Variants in UBR4 observed in about 807,000 individuals in gnomAD.
UBR4 encodes the protein ubiquitin protein ligase E3 component n-recognin 4.
A neutral mutation model predicts 575.6 loss-of-function variants in UBR4; 124 were observed. The ratio of observed to expected loss-of-function variants is 0.22; its 90% CI spans 0.19 to 0.25. The LOEUF (loss-of-function observed/expected upper bound fraction) is 0.25, where lower values mean the gene tolerates loss of function less well. Ranked by LOEUF, UBR4 falls within the 10% of genes least tolerant of loss-of-function variation. The pLI is 1.00. For missense variants in UBR4, 4,818 were observed against 6,478.8 expected, an observed-to-expected ratio of 0.74 and a Z score of 8.80; for synonymous variants, 2,455 against 2,473.7, an observed-to-expected ratio of 0.99 and a Z score of 0.22.
Position 19,169,424 on chromosome 1 carries a change from T to G in UBR4, c.3741+11A>C. 1 of 1,609,796 alleles carries G rather than the reference T, an allele frequency of 6.2e-7. No homozygotes were observed. The highest frequency in any genetic ancestry group is 8.5e-7 in the Non-Finnish European group (1 of 1,177,384). On this transcript the variant is annotated intron_variant, in intron 27 of 105. Coordinates refer to ENST00000375254, the MANE Select transcript of UBR4 (RefSeq NM_020765.3). ...CTCAGTATTTCTACCCTGGAACAGATAGGGACTCACCCAGGATCCAATATT... is the reference window on the plus strand; with the variant it reads ...CTCAGTATTTCTACCCTGGAACAGAGAGGGACTCACCCAGGATCCAATATT...
Position 19,074,719 on chromosome 1 carries a change from G to T in UBR4, c.*113C>A. 1 of 1,209,934 alleles carries T rather than the reference G, an allele frequency of 8.3e-7. No individual in the cohort carries two copies. Among genetic ancestry groups the T allele is most frequent in the South Asian group, 1.3e-5 (1 of 76,766 alleles). The allele number at this position is 1,209,934 out of a possible 1,614,324, so 74.9% of individuals were successfully genotyped here. A position where few individuals can be genotyped will look rare whatever the true frequency, so the allele number is the denominator to read the frequency against. ...ACACCAAGAAAAATGAGAGAGGGGA[G>T]GGCGGGGTAACAATGCAGCATCCCG... On this transcript the variant is annotated 3_prime_UTR_variant, in exon 106 of 106. Transcript: ENST00000375254.
chr1:19,146,730 GCAGT>G (rs1201017899), intron 52 of UBR4, 92 bp downstream of exon 52: 1 of 1,459,228 alleles, frequency 6.9e-7, no homozygotes, highest in South Asian at 1.4e-5. Flanking sequence ...CTCTGAGCAT[GCAGT>G]CAGTCAGAGG....
intron 101 of UBR4, 85 bp downstream of exon 101, chr1:19,086,060 C>T (rs2076980908): frequency 1.3e-6 from 2 of 1,527,220 alleles, no homozygotes; most frequent in Admixed American, 3.9e-5. Context: ...GAAATGGTGT[C>T]ACCAGGGGAT....
intron 22 of UBR4, 37 bp downstream of exon 22, chr1:19,174,282 C>T (rs2089984274): frequency 1.3e-6 from 2 of 1,575,148 alleles, no homozygotes; most frequent in Non-Finnish European, 1.7e-6. Flanking sequence ...AATGATCAAA[C>T]ACAACCCAAA....
chr1:19,113,046 G>T, intron 77 of UBR4, 179 bp from the exon 78 acceptor site: 1 of 666,958 alleles, frequency 1.5e-6, no homozygotes, highest in Non-Finnish European at 2.4e-6. Flanking sequence ...ACTGAAGCTT[G>T]GAGAAAGTGG....
intron 57 of UBR4, 56 bp downstream of exon 57, chr1:19,141,291 C>T (rs886548665): frequency 1.4e-5 from 23 of 1,611,776 alleles, no homozygotes; most frequent in Non-Finnish European, 1.9e-5. Context: ...AACTGCCAAA[C>T]CCTCTTTTCC....
chr1:19,076,622 C>G, intron 105 of UBR4, 118 bp downstream of exon 105: 1 of 1,369,208 alleles, frequency 7.3e-7, no homozygotes, highest in African/African-American at 1.4e-5. Context: ...TGGCAGCTGA[C>G]AGGCTGGTTC....
chr1:19,124,767 T>C, intron 64 of UBR4, 77 bp from the exon 65 acceptor site: 1 of 1,551,932 alleles, frequency 6.4e-7, no homozygotes, highest in Non-Finnish European at 8.7e-7. Context: ...GCCTGGCTCA[T>C]TAGACGTATT....
intron 60 of UBR4, among the ~76,000 whole-genome samples, chr1:19,130,670 G>A (rs1430706901): frequency 1.3e-5 from 2 of 152,208 alleles, no homozygotes; most frequent in East Asian, 1.9e-4. Flanking sequence ...GACTACAAAC[G>A]TTTAAGAATT....
intron 103 of UBR4, chr1:19,079,380 TA>T (rs1338619283): frequency 6.6e-6 from 1 of 152,212 alleles, no homozygotes; most frequent in Non-Finnish European, 1.5e-5. Flanking sequence ...TGCTGCAGCC[TA>T]AAGTCCTGGA....
intron 30 of UBR4, 79 bp from the exon 31 acceptor site, chr1:19,165,428 A>T (rs1203144607): frequency 7.7e-7 from 1 of 1,293,486 alleles, no homozygotes; most frequent in African/African-American, 1.5e-5. Context: ...TCACAATCTC[A>T]TCTCCTCTGG....
intron 5 of UBR4, 73 bp from the exon 6 acceptor site, chr1:19,198,122 G>T: frequency 7.0e-7 from 1 of 1,422,642 alleles, no homozygotes; most frequent in Non-Finnish European, 9.8e-7. Context: ...GTGAGCAGTA[G>T]CTGCACGGAT....
intron 101 of UBR4, among the ~76,000 whole-genome samples, chr1:19,085,478 C>T (rs368044923): frequency 1.2e-4 from 18 of 152,196 alleles, no homozygotes; most frequent in Non-Finnish European, 1.8e-4. Flanking sequence ...GCCAAGATCA[C>T]GCCACTGCAC....
intron 74 of UBR4, 97 bp from the exon 75 acceptor site, chr1:19,115,046 GTAAC>G (rs1317117572): frequency 3.3e-6 from 5 of 1,525,804 alleles, no homozygotes; most frequent in Non-Finnish European, 4.5e-6. Flanking sequence ...ATATACTCTG[GTAAC>G]TACTGCAGGG....
Position 19,148,480 on chromosome 1 carries a change from T to A in UBR4, c.7494+83A>T, listed in dbSNP as rs1352550468. ...TATGCTACTATAAATGTTCTTTAGC[T>A]TCGAGGCCTCAGGGCCTCGGGCAAC... On this transcript the variant is annotated intron_variant, in intron 50 of 105. Transcript: ENST00000375254. The A allele has an allele frequency of 1.2e-5, 18 of 1,495,032 alleles. No individual in the cohort carries two copies. In the Admixed American group the frequency reaches 3.1e-4, roughly 26 times the overall value. The allele number at this position is 1,495,032 out of a possible 1,614,324, so 92.6% of individuals were successfully genotyped here.
chr1:19,202,095 A>T (rs922544045), intron 1 of UBR4, among the ~76,000 whole-genome samples: 7 of 152,106 alleles, frequency 4.6e-5, no homozygotes, highest in African/African-American at 1.7e-4. Flanking sequence ...CAGGAGGCTG[A>T]GGCAGGAGAA....
In UBR4 at chr1:19,126,484, G is replaced by C. The variant is rs1270900037; in HGVS notation, c.9400C>G (p.Pro3134Ala). The part of the protein sequence containing the change: ...LLKPHTTSSP[P>A]DMSPFFLRQY... ...CGGAGAAAGAATGGGCTCATGTCAG[G>C]TGGGGAGGAGGTAGTATGTGGTTTC... Residue 3134 changes from proline to alanine, a missense_variant, in exon 64 of 106, where the codon CCT becomes GCT. Pro to Ala is a conservative substitution (Grantham distance 27). Transcript: ENST00000375254. The C allele has an allele frequency of 6.2e-7, 1 of 1,614,198 alleles. No individual in the cohort carries two copies. Among genetic ancestry groups the C allele is most frequent in the Non-Finnish European group, 8.5e-7 (1 of 1,180,030 alleles).
chr1:19,144,387 T>C (rs2084546977), intron 54 of UBR4, among the ~76,000 whole-genome samples: 1 of 152,234 alleles, frequency 6.6e-6, no homozygotes, highest in Admixed American at 6.5e-5. Context: ...TTTTATCAGA[T>C]GATCAAGCCC....
At chr1:19,187,667 A>G in intron 11 of UBR4, 127 bp from the exon 12 acceptor site, 1 of 792,182 alleles carries the variant, frequency 1.3e-6, no homozygotes, top group Non-Finnish European at 2.0e-6. Flanking sequence ...TTCAGAAAAA[A>G]AAAATTGTAC....
Sources: gnomAD v4.1 joint callset for allele counts (sites outside exome capture counted in the v4.1 genomes callset) on GRCh38, gnomAD v4.1.1 for gene constraint, MANE v1.5 for transcripts, NCBI Gene and HGNC (gene_info 2026-07-23, HGNC 2026-07-21) for gene names.